KIDINS220: variants seen among roughly 807,000 people sequenced by gnomAD.
KIDINS220 encodes the protein kinase D-interacting substrate of 220 kDa.
A neutral mutation model predicts 157.6 loss-of-function variants in KIDINS220; 63 were observed. The observed-to-expected ratio is 0.40, with a 90% confidence interval of 0.33 to 0.49. The LOEUF is 0.49. Ranked by LOEUF, KIDINS220 falls within the 20% of genes least tolerant of loss-of-function variation. KIDINS220 has a pLI of 0.66. For missense variants in KIDINS220, 1,772 were observed against 2,171.2 expected (o/e 0.82, Z 3.65); for synonymous variants, 732 against 783.6 (o/e 0.93, Z 1.10).
intron 26 of KIDINS220, chr2:8,737,356 A>G (rs1303053332): frequency 5.9e-6 from 1 of 168,350 alleles, no homozygotes; most frequent in African/African-American, 2.4e-5. Flanking sequence ...ACACACACGC[A>G]AAAAGATGGA....
intron 23 of KIDINS220, 49 bp from the exon 24 acceptor site, chr2:8,750,384 G>C: frequency 7.7e-7 from 1 of 1,305,360 alleles, no homozygotes. Flanking sequence ...CAGGACATTA[G>C]GAATCAGTCC....
chr2:8,788,655 T>TA lies in KIDINS220; in HGVS notation c.1778dup (p.Leu593PhefsTer12). 6.2e-7 allele frequency: 1 copy of TA among 1,613,050 alleles called. No individual in the cohort carries two copies. Among genetic ancestry groups the TA allele is most frequent in the Non-Finnish European group, 8.5e-7 (1 of 1,179,608 alleles). ...CAAATGGTACAACTCACCTCACAGG[T>TA]AAAGCTTTAGTAGTCTGCTCTGGCA... is the stretch of plus-strand genomic sequence containing the variant. On this transcript the variant is annotated frameshift_variant, in exon 15 of 30. Coordinates refer to ENST00000256707, the MANE Select transcript of KIDINS220 (RefSeq NM_020738.4). LOFTEE classifies it high-confidence loss of function.
chr2:8,740,193 A>C lies in KIDINS220; in HGVS notation c.3586-3194T>G, dbSNP rs1266707343. 5.1e-6 allele frequency: 5 copies of C among 982,506 alleles called. No individual in the cohort carries two copies. The East Asian group carries it at 5.7e-4, about 111-fold the overall frequency. 60.9% of individuals were successfully genotyped at this position (982,506 alleles called of 1,614,324 possible). Reference sequence around the variant, plus strand: ...AACCCAGAGTCACACAGCTTTAAGGAAGGAATAAAACACAGTGAAGGACAA... The same window carrying C: ...AACCCAGAGTCACACAGCTTTAAGGCAGGAATAAAACACAGTGAAGGACAA... On this transcript the variant is annotated intron_variant, in intron 26 of 29. Transcript: ENST00000256707.
At position 8,779,135 on chromosome 2, in the gene KIDINS220, C is replaced by T; in HGVS notation, c.2375G>A (p.Arg792Gln). The change falls in exon 19 of 30, where the codon CGA becomes CAA. Residue 792 changes from arginine to glutamine, a missense_variant. Around this residue, in one of 3 missense-constraint regions of KIDINS220, gnomAD observed 725 missense variants for 1,017.1 expected, o/e 0.71. Transcript: ENST00000256707. ...DKVLQMLDTV[R>Q]VLFSKGPFIA... ...GAACGGGCCTTTTGAAAACAGAACTCGGACCTGTGGCAGAAGAAATGTACA... is the reference window on the plus strand; with the variant it reads ...GAACGGGCCTTTTGAAAACAGAACTTGGACCTGTGGCAGAAGAAATGTACA... 6 of 1,612,466 alleles carry T rather than the reference C, an allele frequency of 3.7e-6. 1 individual carries two copies. Among genetic ancestry groups the T allele is most frequent in the Non-Finnish European group, 4.2e-6 (5 of 1,179,856 alleles).
chr2:8,786,097 C>T, intron 16 of KIDINS220, 67 bp from the exon 17 acceptor site: 1 of 1,561,004 alleles, frequency 6.4e-7, no homozygotes, highest in South Asian at 1.2e-5. Context: ...ACATTATAGT[C>T]ACAATACCTG....
intron 25 of KIDINS220, chr2:8,747,516 T>C (rs181427789): frequency 2.3e-6 from 1 of 441,554 alleles, no homozygotes; most frequent in African/African-American, 2.0e-5. Context: ...CCTCTATTTT[T>C]TATATCATGG....
intron 22 of KIDINS220, among the ~76,000 whole-genome samples, chr2:8,769,844 A>G (rs2148155357): frequency 6.6e-6 from 1 of 152,338 alleles, no homozygotes; most frequent in Non-Finnish European, 1.5e-5. Context: ...CAGTAATTAT[A>G]CATCACTGCA....
chr2:8,794,091 C>T, intron 11 of KIDINS220, 104 bp from the exon 12 acceptor site: 1 of 884,968 alleles, frequency 1.1e-6, no homozygotes, highest in Non-Finnish European at 1.6e-6. Context: ...CTGAACTTTT[C>T]TTATTTTTCA....
At chr2:8,725,411 A>T (rs1403557595), downstream of KIDINS220, 5 of 152,376 alleles carry the variant, frequency 3.3e-5, no homozygotes, top group African/African-American at 7.2e-5. Context: ...TTAAAATTTC[A>T]TAAAAGGAAC....
chr2:8,759,706 T>C (rs759435490), intron 22 of KIDINS220, among the ~76,000 whole-genome samples: 1 of 151,854 alleles, frequency 6.6e-6, no homozygotes, highest in African/African-American at 2.4e-5. Context: ...TCGAATGTTC[T>C]GAGGAAGGTA....
At chr2:8,824,815 G>A (rs756814730) in intron 2 of KIDINS220, among the ~76,000 whole-genome samples, 13 of 152,124 alleles carry the variant, frequency 8.5e-5, no homozygotes, top group Non-Finnish European at 1.9e-4. Flanking sequence ...AATGTGCTAC[G>A]TACATACAAT....
chr2:8,771,298 G>A (rs1410668457), intron 21 of KIDINS220, among the ~76,000 whole-genome samples: 1 of 152,112 alleles, frequency 6.6e-6, no homozygotes, highest in Non-Finnish European at 1.5e-5. Context: ...AATCCCACAG[G>A]CTTTCATTTT....
rs748857193 is a variant in KIDINS220 at position 8,750,661 on chromosome 2, G to A, written c.3191-326C>T. 1.5e-4 allele frequency among the ~76,000 whole-genome samples: 23 copies of A among 152,202 alleles called. 1 individual carries two copies. Among genetic ancestry groups the A allele is most frequent in the South Asian group, 6.2e-4 (3 of 4,816 alleles). Reference sequence around the variant, plus strand: ...TCTAACAATTACTTTTATTCATAACGTTATCAAGTATTAATAACTCATATT... The same window carrying A: ...TCTAACAATTACTTTTATTCATAACATTATCAAGTATTAATAACTCATATT... On this transcript the variant is annotated intron_variant, in intron 23 of 29. Transcript: ENST00000256707.
At chr2:8,786,636 AC>A (rs1672437128) in intron 15 of KIDINS220, among the ~76,000 whole-genome samples, 1 of 152,238 alleles carries the variant, frequency 6.6e-6, no homozygotes, top group African/African-American at 2.4e-5. Flanking sequence ...TTACGCCAGA[AC>A]TTAGATGTGG....
chr2:8,815,284 C>T lies in KIDINS220; in HGVS notation c.307-1949G>A, dbSNP rs528450484. On this transcript the variant is annotated intron_variant, in intron 4 of 29. Transcript: ENST00000256707. ...GCCACGGTGGTGTGTGTCTGTAGTC[C>T]CAGCTACAGGGGGAGCTGAAATGGG... 3.3e-5 allele frequency among the ~76,000 whole-genome samples: 5 copies of T among 151,468 alleles called. No individual in the cohort carries two copies. In the South Asian group the frequency reaches 8.4e-4, roughly 25 times the overall value.
chr2:8,833,281 G>T (rs1346019731), intron 1 of KIDINS220, among the ~76,000 whole-genome samples: 1 of 152,066 alleles, frequency 6.6e-6, no homozygotes, highest in African/African-American at 2.4e-5. Flanking sequence ...CATGCAATGG[G>T]ATTAAAATAA....
chr2:8,739,303 C>G (rs2147987666), intron 26 of KIDINS220, among the ~76,000 whole-genome samples: 1 of 152,264 alleles, frequency 6.6e-6, no homozygotes, highest in South Asian at 2.1e-4. Flanking sequence ...AAGACAGACA[C>G]ATAGGGACAT....
chr2:8,753,406 A>T (rs1667616629), intron 22 of KIDINS220, among the ~76,000 whole-genome samples: 1 of 152,220 alleles, frequency 6.6e-6, no homozygotes, highest in Admixed American at 6.5e-5. Flanking sequence ...GGCAGGAGGG[A>T]GACAAGGGAG....
intron 8 of KIDINS220, among the ~76,000 whole-genome samples, chr2:8,801,153 T>A (rs1341280706): frequency 6.6e-6 from 1 of 152,218 alleles, no homozygotes; most frequent in African/African-American, 2.4e-5. Flanking sequence ...TATCTACCTA[T>A]ACTTAAAATA....
Sources: allele counts gnomAD v4.1 joint callset (sites outside exome capture counted in the v4.1 genomes callset), GRCh38; gene constraint gnomAD v4.1.1; regional missense constraint gnomAD v4.1.1; transcripts MANE v1.5; gene names NCBI Gene and HGNC (gene_info 2026-07-23, HGNC 2026-07-21).